GNAT3: variants seen among roughly 807,000 people sequenced by gnomAD.
The protein encoded by GNAT3 is G protein subunit alpha transducin 3.
In GNAT3, 31 loss-of-function variants were observed where a neutral mutation model predicts 37.7. The ratio of observed to expected loss-of-function variants is 0.82; its 90% confidence interval spans 0.62 to 1.11. GNAT3 has a LOEUF of 1.11. Among genes scored for constraint, GNAT3 ranks in the 50% most tolerant of loss-of-function variants. The pLI, the probability that GNAT3 is intolerant of heterozygous loss-of-function variation, is 0.00. For synonymous variants in GNAT3, 138 were observed against 139.8 expected (o/e 0.99, Z 0.09); for missense variants, 437 against 412.5 (o/e 1.06, Z -0.51).
intron 7 of GNAT3, among the ~76,000 whole-genome samples, chr7:80,461,946 C>T (rs1790057379): frequency 6.6e-6 from 1 of 152,106 alleles, no homozygotes; most frequent in African/African-American, 2.4e-5. Flanking sequence ...CTAACCCCTT[C>T]CAGTTTATTT....
At chr7:80,463,766 C>T (rs571260022) in intron 5 of GNAT3, among the ~76,000 whole-genome samples, 3 of 151,402 alleles carry the variant, frequency 2.0e-5, no homozygotes, top group African/African-American at 7.3e-5. Context: ...GCTAAGTAAA[C>T]GAATAGATTC....
chr7:80,461,416 G>T (rs968215742), intron 7 of GNAT3, among the ~76,000 whole-genome samples: 2 of 152,070 alleles, frequency 1.3e-5, no homozygotes, highest in Admixed American at 6.6e-5. Flanking sequence ...GGGTGTTGTG[G>T]CGTGCACCAG....
intron 1 of GNAT3, among the ~76,000 whole-genome samples, chr7:80,498,806 T>C (rs1427717453): frequency 6.6e-5 from 10 of 152,160 alleles, no homozygotes; most frequent in Admixed American, 6.5e-4. Context: ...TTCTTTGAAA[T>C]AGATAATGTT....
At chr7:80,462,719 G>T in intron 5 of GNAT3, 88 bp from the exon 6 acceptor site, 4 of 939,238 alleles carry the variant, frequency 4.3e-6, no homozygotes, top group Non-Finnish European at 6.3e-6. Context: ...ATAAATGGGT[G>T]ATCCCCTATC....
Position 80,462,304 on chromosome 7 carries a change from CATTCT to C in GNAT3, c.724_728del (p.Arg242AlafsTer2). ...TGTTGAACAGGTGAAGGCTTTCATG[CATTCT>C]ATTCTGTTAGGTATCAGAAATGAGA... On this transcript the variant is annotated frameshift_variant, in exon 7 of 8. Transcript: ENST00000398291. LOFTEE classifies it high-confidence loss of function. The C allele has an allele frequency of 6.2e-7, 1 of 1,612,508 alleles. No individual in the cohort carries two copies. Among genetic ancestry groups the C allele is most frequent in the Non-Finnish European group, 8.5e-7 (1 of 1,178,992 alleles).
chr7:80,472,543 G>C (rs1283887458), intron 5 of GNAT3, among the ~76,000 whole-genome samples: 2 of 152,158 alleles, frequency 1.3e-5, no homozygotes, highest in African/African-American at 4.8e-5. Context: ...AAGTACAAAG[G>C]CTTGAAATGT....
At chr7:80,467,345 C>T (rs572338537) in intron 5 of GNAT3, among the ~76,000 whole-genome samples, 8 of 152,164 alleles carry the variant, frequency 5.3e-5, no homozygotes, top group African/African-American at 1.2e-4. Context: ...TGCAGATTGA[C>T]GTAGGAGACA....
chr7:80,502,481 A>G (rs1214581193), intron 1 of GNAT3, among the ~76,000 whole-genome samples: 2 of 152,126 alleles, frequency 1.3e-5, no homozygotes, highest in Non-Finnish European at 2.9e-5. Flanking sequence ...AATTGTGGGA[A>G]TAGTCATGTA....
intron 5 of GNAT3, among the ~76,000 whole-genome samples, chr7:80,472,817 A>G (rs1400089495): frequency 1.3e-5 from 2 of 152,192 alleles, no homozygotes; most frequent in Admixed American, 1.3e-4. Context: ...TCATTAGGCA[A>G]GCAAATAAAG....
chr7:80,487,502 A>C lies in GNAT3; in HGVS notation c.303+1033T>G, dbSNP rs79450354. 1.4e-3 allele frequency among the ~76,000 whole-genome samples: 219 copies of C among 152,282 alleles called. 3 individuals are homozygous for C. The East Asian group carries it at 0.038, about 26-fold the overall frequency. ...AAAGGGGGATTTCCCCTTTCTTTACATTAAGAGCACAGAAAAGGCTTTGTT... is the reference window on the plus strand; with the variant it reads ...AAAGGGGGATTTCCCCTTTCTTTACCTTAAGAGCACAGAAAAGGCTTTGTT... On this transcript the variant is annotated intron_variant, in intron 3 of 7. Coordinates refer to ENST00000398291, the MANE Select transcript of GNAT3 (RefSeq NM_001102386.3).
chr7:80,499,439 CA>C (rs1584194919), intron 1 of GNAT3, among the ~76,000 whole-genome samples: 1 of 152,076 alleles, frequency 6.6e-6, no homozygotes, highest in East Asian at 1.9e-4. Flanking sequence ...GGCTTGAGTG[CA>C]GTAGCATGAT....
At chr7:80,508,707 A>T (rs899838001) in intron 1 of GNAT3, among the ~76,000 whole-genome samples, 1 of 152,062 alleles carries the variant, frequency 6.6e-6, no homozygotes, top group Admixed American at 6.6e-5. Flanking sequence ...TGTAATAAAA[A>T]AAGGCATCTG....
chr7:80,469,376 T>C (rs575822553), intron 5 of GNAT3, among the ~76,000 whole-genome samples: 1 of 152,306 alleles, frequency 6.6e-6, no homozygotes, highest in African/African-American at 2.4e-5. Flanking sequence ...TAAATCCCTG[T>C]AAATACATGT....
chr7:80,486,454 T>G (rs1181106137), intron 3 of GNAT3: 2 of 151,856 alleles, frequency 1.3e-5, no homozygotes, highest in Non-Finnish European at 2.9e-5. Context: ...ATCTCACTTT[T>G]TTTTTTTTCA....
At chr7:80,487,819 T>C (rs1349108090) in intron 3 of GNAT3, 1 of 152,172 alleles carries the variant, frequency 6.6e-6, no homozygotes, top group Non-Finnish European at 1.5e-5. Flanking sequence ...GTTACTCTTT[T>C]TTTTGGGTGG....
chr7:80,465,961 A>G (rs1341332689), intron 5 of GNAT3, among the ~76,000 whole-genome samples: 1 of 152,098 alleles, frequency 6.6e-6, no homozygotes, highest in African/African-American at 2.4e-5. Flanking sequence ...GGTAGAGTAT[A>G]CATTACTAGG....
intron 1 of GNAT3, among the ~76,000 whole-genome samples, chr7:80,499,862 G>A (rs956813937): frequency 1.3e-5 from 2 of 151,916 alleles, no homozygotes; most frequent in African/African-American, 4.8e-5. Flanking sequence ...TATAAAATTG[G>A]GCTAAAACTT....
At chr7:80,509,416 G>A (rs1408477544) in intron 1 of GNAT3, among the ~76,000 whole-genome samples, 1 of 152,058 alleles carries the variant, frequency 6.6e-6, no homozygotes, top group Non-Finnish European at 1.5e-5. Context: ...AGTGCACATA[G>A]TGTTGGAACC....
intron 7 of GNAT3, among the ~76,000 whole-genome samples, chr7:80,460,320 G>A (rs964760069): frequency 6.6e-6 from 1 of 152,152 alleles, no homozygotes; most frequent in Non-Finnish European, 1.5e-5. Context: ...AGTGTGAGGA[G>A]GGAGGAGGCA....
Sources: gnomAD v4.1 joint callset for allele counts (sites outside exome capture counted in the v4.1 genomes callset) on GRCh38, gnomAD v4.1.1 for gene constraint, MANE v1.5 for transcripts, NCBI Gene and HGNC (gene_info 2026-07-23, HGNC 2026-07-21) for gene names.